PRKCG: variants seen among roughly 807,000 people sequenced by gnomAD.
PRKCG encodes protein kinase C gamma type.
In PRKCG, 28 loss-of-function variants were observed where a neutral mutation model predicts 82.0. The ratio of observed to expected loss-of-function variants is 0.34; its 90% CI spans 0.25 to 0.47. The LOEUF is 0.47. PRKCG is among the 20% of genes least tolerant of loss of function. The probability of loss-of-function intolerance (pLI) is 1.00; values close to 1 mark genes in which losing one functional copy is unlikely to be tolerated. For synonymous variants in PRKCG, 383 were observed against 376.6 expected, an observed-to-expected ratio of 1.02 and a Z score of -0.20; for missense variants, 640 against 952.7, an observed-to-expected ratio of 0.67 and a Z score of 4.32.
intron 3 of PRKCG, among the ~76,000 whole-genome samples, chr19:53,888,626 A>G (rs76010896): frequency 0.031 from 4,791 of 152,244 alleles, 146 homozygotes; most frequent in African/African-American, 0.082. Flanking sequence ...CCACAGTAAT[A>G]GTATTGGGAG....
At chr19:53,891,972 A>C (rs888601604) in intron 6 of PRKCG, 142 bp downstream of exon 6, 46 of 1,104,674 alleles carry the variant, frequency 4.2e-5, no homozygotes, top group Non-Finnish European at 5.4e-5. Context: ...GGGAAAAGGG[A>C]ATAGAGTGAT....
At chr19:53,898,803 C>G (rs1275602302) in intron 11 of PRKCG, among the ~76,000 whole-genome samples, 175 bp downstream of exon 11, 12 of 10,762 alleles carry the variant, frequency 1.1e-3, no homozygotes, top group East Asian at 4.4e-3. Context: ...CCTTGGGGGG[C>G]GTGGCCAGGC....
chr19:53,889,869 G>T lies in PRKCG; in HGVS notation c.398-17G>T, dbSNP rs910595763. 1.3e-6 allele frequency: 2 copies of T among 1,571,628 alleles called. No homozygotes were observed. Among genetic ancestry groups the T allele is most frequent in the African/African-American group, 1.4e-5 (1 of 73,724 alleles). On this transcript the variant is annotated splice_polypyrimidine_tract_variant and intron_variant, in intron 4 of 17. Transcript: ENST00000263431. This position sits in a 1 kb window ranked among gnomAD's most constrained non-coding sequence, Gnocchi z 4.4. ...GGGGGCGGGGCCTGAGGTGCTACCC[G>T]CAGCTTTCCCCTCCAGGCTGCGAGA... is the stretch of plus-strand genomic sequence containing the variant.
rs1221263821 is a variant in PRKCG, at chr19:53,883,634, G to T, written c.202+440G>T. Among the ~76,000 whole-genome samples, 1 of 149,998 alleles carries T rather than the reference G, an allele frequency of 6.7e-6. No individual in the cohort carries two copies. Among genetic ancestry groups the T allele is most frequent in the South Asian group, 2.1e-4 (1 of 4,682 alleles). ...GGGGCCGGGCGGGGCCGGCAGTTCT[G>T]GGGGGCGGGAGAGGGGGGCGAGTCC... On this transcript the variant is annotated intron_variant, in intron 2 of 17. Transcript: ENST00000263431. The surrounding 1 kb of genome is among the most constrained non-coding windows in gnomAD (Gnocchi z 5.4).
intron 3 of PRKCG, among the ~76,000 whole-genome samples, chr19:53,886,356 G>A (rs8107500): frequency 0.059 from 9,030 of 151,866 alleles, 897 homozygotes; most frequent in African/African-American, 0.2. Context: ...CACCCACCTC[G>A]GCCTCCCAAA....
Position 53,882,726 on chromosome 19 carries a change from G to A in PRKCG, c.170+62G>A, listed in dbSNP as rs893019028. 1.8e-5 allele frequency: 29 copies of A among 1,587,052 alleles called. No homozygotes were observed. Among genetic ancestry groups the A allele is most frequent in the Admixed American group, 3.5e-5 (2 of 57,744 alleles). ...GACTAGGGGTGCAGACTCCTATCACGCCGACCCCTGTGGAAGGAAGAAGGA... is the reference window on the plus strand; with the variant it reads ...GACTAGGGGTGCAGACTCCTATCACACCGACCCCTGTGGAAGGAAGAAGGA... On this transcript the variant is annotated intron_variant, in intron 1 of 17. Coordinates refer to ENST00000263431, the MANE Select transcript of PRKCG (RefSeq NM_002739.5). The surrounding 1 kb of genome is among the most constrained non-coding windows in gnomAD (Gnocchi z 6.1).
rs770016586 is a variant in PRKCG, at chr19:53,889,907, G to C, written c.419G>C (p.Arg140Pro). The C allele has an allele frequency of 6.3e-7, 1 of 1,583,934 alleles. No homozygotes were observed. Among genetic ancestry groups the C allele is most frequent in the Non-Finnish European group, 8.6e-7 (1 of 1,165,874 alleles). ...KCSCCEMNVH[R>P]RCVRSVPSLC... ...CCAGGCTGCGAGATGAACGTGCACC[G>C]GCGCTGTGTGCGTAGCGTGCCCTCC... Residue 140 changes from arginine to proline, a missense_variant, in exon 5 of 18, where the codon CGG (arginine) becomes CCG (proline). By Grantham distance (103) the Arg-to-Pro change is moderately radical. Around this residue, in one of 7 missense-constraint regions of PRKCG, gnomAD observed 261 missense variants for 312.1 expected, o/e 0.84. Transcript: ENST00000263431. This position sits in a 1 kb window ranked among gnomAD's most constrained non-coding sequence, Gnocchi z 4.4.
At position 53,900,260 on chromosome 19, in the gene PRKCG, G is replaced by C. The variant is rs1273218014; in HGVS notation, c.1309G>C (p.Val437Leu). The change falls in exon 12 of 18, where the codon GTC becomes CTC. Residue 437 changes from valine (V) to leucine (L), a missense_variant. Transcript: ENST00000263431. This position sits in a 1 kb window ranked among gnomAD's most constrained non-coding sequence, Gnocchi z 4.2. ...CCGCCTGTATTTCGTGATGGAGTAC[G>C]TCACCGGGGGAGACTTGATGTACCA... ...PDRLYFVMEY[V>L]TGGDLMYHIQ... The C allele has an allele frequency of 6.2e-7, 1 of 1,614,004 alleles. No homozygotes were observed. The highest frequency in any genetic ancestry group is 8.5e-7 in the Non-Finnish European group (1 of 1,180,028).
rs1233249310 is a variant in PRKCG, at chr19:53,884,263, G to C, written c.285+20G>C. On this transcript the variant is annotated intron_variant, in intron 3 of 17. Coordinates refer to ENST00000263431, the MANE Select transcript of PRKCG (RefSeq NM_002739.5). The surrounding 1 kb of genome is among the most constrained non-coding windows in gnomAD (Gnocchi z 4.6). ...ACGGACGTGAGTGCTCGGACACCTG[G>C]TTCTCCTCCTCGGGCCGTGCCCCCG... is the stretch of plus-strand genomic sequence containing the variant. 2 of 1,612,174 alleles carry C rather than the reference G, an allele frequency of 1.2e-6. No individual in the cohort carries two copies. Among genetic ancestry groups the C allele is most frequent in the Middle Eastern group, 1.8e-4 (1 of 5,514 alleles).
At chr19:53,887,829 C>CAA (rs60094916) in intron 3 of PRKCG, among the ~76,000 whole-genome samples, 9 of 57,528 alleles carry the variant, frequency 1.6e-4, no homozygotes, top group Non-Finnish European at 2.2e-4. Context: ...GACTCCATCT[C>CAA]AAAAAAAAAA....
Position 53,892,539 on chromosome 19 carries a change from G to T in PRKCG, c.717G>T (p.Arg239=), listed in dbSNP as rs1418483481. Residue 239 remains arginine (R), a synonymous_variant, in exon 7 of 18, where the codon CGG becomes CGT. Coordinates refer to ENST00000263431, the MANE Select transcript of PRKCG (RefSeq NM_002739.5). This position sits in a 1 kb window ranked among gnomAD's most constrained non-coding sequence, Gnocchi z 5.9. ...TGAAGCCAGGGGATGTGGAGCGCCG[G>T]CTCAGCGTGGAGGTGTGGGACTGGG... ...FNLKPGDVER[R]LSVEVWDWDR... is the part of the protein sequence containing the mutation. The T allele has an allele frequency of 6.2e-7, 1 of 1,612,930 alleles. No individual in the cohort carries two copies. The highest frequency in any genetic ancestry group is 2.2e-5 in the East Asian group (1 of 44,880).
chr19:53,882,062 C>T (rs552114371), upstream of PRKCG, among the ~76,000 whole-genome samples: 6 of 152,224 alleles, frequency 3.9e-5, no homozygotes, highest in African/African-American at 7.2e-5. The surrounding 1 kb of genome is among the most constrained non-coding windows in gnomAD (Gnocchi z 6.1). Flanking sequence ...AGCCAGCCCC[C>T]GGAGTGGGTG....
intron 16 of PRKCG, 139 bp from the exon 17 acceptor site, chr19:53,906,177 CT>C (rs2068808859): frequency 7.5e-6 from 8 of 1,068,222 alleles, no homozygotes; most frequent in Non-Finnish European, 9.6e-6. Flanking sequence ...CCTGTTTCCC[CT>C]GGCTGTTCTT....
upstream of PRKCG, chr19:53,881,796 G>A (rs1229875103): frequency 2.0e-5 from 3 of 153,116 alleles, no homozygotes; most frequent in Non-Finnish European, 2.9e-5. Flanking sequence ...ACAAATAATG[G>A]AGAGGCCAGG....
intron 9 of PRKCG, among the ~76,000 whole-genome samples, chr19:53,894,146 A>G (rs1350744174): frequency 6.6e-6 from 1 of 151,962 alleles, no homozygotes; most frequent in Admixed American, 6.6e-5. Context: ...GCTCACTGCA[A>G]GCTCCGCCTC....
Position 53,900,812 on chromosome 19 carries a change from C to T in PRKCG, c.1575+63C>T. 5 of 1,610,054 alleles carry T rather than the reference C, an allele frequency of 3.1e-6. No individual in the cohort carries two copies. Among genetic ancestry groups the T allele is most frequent in the Non-Finnish European group, 4.2e-6 (5 of 1,178,298 alleles). On this transcript the variant is annotated intron_variant, in intron 14 of 17. Coordinates refer to ENST00000263431, the MANE Select transcript of PRKCG (RefSeq NM_002739.5). The surrounding 1 kb of genome is among the most constrained non-coding windows in gnomAD (Gnocchi z 4.2). ...TCCCTTAGAGGGTGTAGCTGATGGT[C>T]CAGTATTCACCACGGGTGAGGCCTG...
rs1175398562 is a variant in PRKCG, at chr19:53,906,304, G to C, written c.1765-13G>C. ...TCTGTTTGTCTGTCTGTCTCTCTCTGTGTTTCCCACAGTTCCTGACCAAGC... is the reference window on the plus strand; with the variant it reads ...TCTGTTTGTCTGTCTGTCTCTCTCTCTGTTTCCCACAGTTCCTGACCAAGC... On this transcript the variant is annotated splice_polypyrimidine_tract_variant and intron_variant, in intron 16 of 17. Coordinates refer to ENST00000263431, the MANE Select transcript of PRKCG (RefSeq NM_002739.5). 1.7e-5 allele frequency: 26 copies of C among 1,550,954 alleles called. No homozygotes were observed. Among genetic ancestry groups the C allele is most frequent in the Admixed American group, 5.9e-5 (3 of 50,924 alleles).
In PRKCG at chr19:53,900,683, G is replaced by A; in HGVS notation, c.1509G>A (p.Lys503=). The change falls in exon 14 of 18, where the codon AAG becomes AAA. Residue 503 remains lysine (K), a synonymous_variant. Coordinates refer to ENST00000263431, the MANE Select transcript of PRKCG (RefSeq NM_002739.5). This position sits in a 1 kb window ranked among gnomAD's most constrained non-coding sequence, Gnocchi z 4.2. The stretch of plus-strand genomic sequence containing the variant: ...AGATCACTGACTTTGGCATGTGTAA[G>A]GAGAACGTCTTCCCCGGGACGACAA... The part of the protein sequence containing the change: ...HIKITDFGMC[K]ENVFPGTTTR... The A allele has an allele frequency of 1.9e-6, 3 of 1,614,238 alleles. No individual in the cohort carries two copies. The highest frequency in any genetic ancestry group is 2.5e-6 in the Non-Finnish European group (3 of 1,180,054).
chr19:53,897,755 A>G (rs1486319155), intron 9 of PRKCG, among the ~76,000 whole-genome samples: 1 of 151,688 alleles, frequency 6.6e-6, no homozygotes, highest in African/African-American at 2.4e-5. Flanking sequence ...AAAAGAGCTA[A>G]GTGTTTGTTG....
Sources: gnomAD v4.1 joint callset for allele counts (sites outside exome capture counted in the v4.1 genomes callset) on GRCh38, gnomAD v4.1.1 for gene constraint, gnomAD v4.1.1 regional missense constraint, Gnocchi (gnomAD v3.1) non-coding constraint, MANE v1.5 for transcripts, NCBI Gene and HGNC (gene_info 2026-07-23, HGNC 2026-07-21) for gene names.